The following PRDM11 variants were observed in gnomAD, a reference collection of about 807,000 sequenced individuals.
The protein encoded by PRDM11 is PR/SET domain 11, also known as PR domain-containing protein 11.
PRDM11 carries 20 observed loss-of-function variants against 97.8 expected under a neutral mutation model. That is an observed-to-expected ratio of 0.20 (90% CI 0.14 to 0.30). The LOEUF is 0.30. PRDM11 is among the 10% of genes least tolerant of loss of function. The probability of loss-of-function intolerance (pLI) is 1.00; values close to 1 mark genes in which losing one functional copy is unlikely to be tolerated. For missense variants in PRDM11, 1,139 were observed against 1,555.2 expected (o/e 0.73, Z 4.50); for synonymous variants, 599 against 637.7 (o/e 0.94, Z 0.91).
chr11:45,168,703 C>A (rs1410734506), intron 1 of PRDM11, among the ~76,000 whole-genome samples: 1 of 152,202 alleles, frequency 6.6e-6, no homozygotes. Context: ...CTCACTACAT[C>A]ATGGGGTTAA....
intron 1 of PRDM11, among the ~76,000 whole-genome samples, chr11:45,149,362 C>T (rs1851604735): frequency 6.6e-6 from 1 of 152,254 alleles, no homozygotes; most frequent in South Asian, 2.1e-4. Context: ...CTATCCTCTC[C>T]TAGATCTCTC....
At chr11:45,218,151 A>G (rs1854011480) in intron 5 of PRDM11, among the ~76,000 whole-genome samples, 1 of 152,190 alleles carries the variant, frequency 6.6e-6, no homozygotes, top group Admixed American at 6.5e-5. Context: ...CTTATCTAGT[A>G]TTAGACATTT....
At chr11:45,174,755 A>G (rs766130869) in intron 1 of PRDM11, among the ~76,000 whole-genome samples, 1 of 152,180 alleles carries the variant, frequency 6.6e-6, no homozygotes, top group Non-Finnish European at 1.5e-5. Context: ...TTAAGTGACT[A>G]TTTTTCAGAA....
chr11:45,104,760 G>A (rs1002063658), intron 1 of PRDM11, among the ~76,000 whole-genome samples: 1 of 152,174 alleles, frequency 6.6e-6, no homozygotes, highest in African/African-American at 2.4e-5. Flanking sequence ...ACTGGGTGGG[G>A]CACTTTAGAA....
At chr11:45,207,408 C>G (rs1853554721) in intron 5 of PRDM11, among the ~76,000 whole-genome samples, 1 of 151,966 alleles carries the variant, frequency 6.6e-6, no homozygotes, top group Non-Finnish European at 1.5e-5. Context: ...TGGTTCTCAA[C>G]CGAGCACTAT....
intron 1 of PRDM11, among the ~76,000 whole-genome samples, chr11:45,102,706 G>T (rs1386387056): frequency 6.6e-6 from 1 of 152,094 alleles, no homozygotes; most frequent in African/African-American, 2.4e-5. Flanking sequence ...ACACACCCTG[G>T]GCCCCCAGCC....
intron 1 of PRDM11, among the ~76,000 whole-genome samples, chr11:45,133,909 G>A (rs1852773711): frequency 6.6e-6 from 1 of 152,212 alleles, no homozygotes; most frequent in Non-Finnish European, 1.5e-5. Context: ...ACAGCCATCA[G>A]CACTGTTTGA....
At chr11:45,163,824 G>T (rs1348092473) in intron 1 of PRDM11, among the ~76,000 whole-genome samples, 1 of 152,192 alleles carries the variant, frequency 6.6e-6, no homozygotes, top group Admixed American at 6.5e-5. Context: ...TGAATACCTT[G>T]TCCATTGGGA....
upstream of PRDM11, among the ~76,000 whole-genome samples, chr11:45,145,217 G>A (rs1326283928): frequency 6.6e-6 from 1 of 152,182 alleles, no homozygotes; most frequent in Non-Finnish European, 1.5e-5. Flanking sequence ...GGAAATAAAG[G>A]CTCAGAGAGG....
chr11:45,198,528 A>G (rs1481049927), intron 4 of PRDM11, among the ~76,000 whole-genome samples: 3 of 152,240 alleles, frequency 2.0e-5, no homozygotes, highest in Non-Finnish European at 2.9e-5. Flanking sequence ...TATGGATTCA[A>G]TGAATTCCTG....
chr11:45,149,099 C>T (rs1489653994), intron 1 of PRDM11, among the ~76,000 whole-genome samples: 3 of 152,190 alleles, frequency 2.0e-5, no homozygotes, highest in African/African-American at 7.2e-5. Flanking sequence ...CTCTCCATCC[C>T]CTCTTCCCCA....
chr11:45,142,076 G>A (rs983529271), upstream of PRDM11, among the ~76,000 whole-genome samples: 1 of 152,228 alleles, frequency 6.6e-6, no homozygotes, highest in Non-Finnish European at 1.5e-5. Context: ...GATGGTTTAT[G>A]AGCATGCCTA....
At chr11:45,202,294 C>G (rs1853357894) in intron 4 of PRDM11, among the ~76,000 whole-genome samples, 1 of 152,098 alleles carries the variant, frequency 6.6e-6, no homozygotes, top group African/African-American at 2.4e-5. Flanking sequence ...CAGTCAGTTA[C>G]CAAATCGACA....
chr11:45,117,349 C>T (rs989041850), intron 1 of PRDM11, among the ~76,000 whole-genome samples: 4 of 151,758 alleles, frequency 2.6e-5, no homozygotes, highest in Non-Finnish European at 5.9e-5. Flanking sequence ...TAAGTCCATA[C>T]TGATATAAGT....
Position 45,182,359 on chromosome 11 carries a change from G to A in PRDM11, c.223+10G>A. ...CAAGTGGACTTCTGGTGTAAGTGGA[G>A]CTTGGGGCTCTGGGCTGCTCCTCCC... On this transcript the variant is annotated intron_variant, in intron 3 of 7. Transcript: ENST00000683152. The A allele has an allele frequency of 6.2e-7, 1 of 1,611,364 alleles. No homozygotes were observed. The highest frequency in any genetic ancestry group is 8.5e-7 in the Non-Finnish European group (1 of 1,177,936).
chr11:45,181,654 G>T, intron 1 of PRDM11, 107 bp from the exon 2 acceptor site: 1 of 838,724 alleles, frequency 1.2e-6, no homozygotes, highest in Admixed American at 2.1e-5. Flanking sequence ...ATGGCAGGGA[G>T]GGTAACCAGA....
chr11:45,163,791 C>A (rs538603049), intron 1 of PRDM11, among the ~76,000 whole-genome samples: 1 of 152,270 alleles, frequency 6.6e-6, no homozygotes, highest in East Asian at 1.9e-4. Context: ...CTTCCTCAGC[C>A]CCTATTTAAG....
rs191480283 is a variant in PRDM11 at position 45,110,442 on chromosome 11, G to T, written c.96+14541G>T. On this transcript the variant is annotated intron_variant, in intron 1 of 6. Coordinates refer to the PRDM11 transcript ENST00000530656. Reference sequence around the variant, plus strand: ...AATTTTTCTAAAGGGCCAGGTAGGAGTTTGAGGAATTTCTTCTAAGCCAGT... The same window carrying T: ...AATTTTTCTAAAGGGCCAGGTAGGATTTTGAGGAATTTCTTCTAAGCCAGT... Among the ~76,000 whole-genome samples the T allele has an allele frequency of 5.4e-3, 830 of 152,340 alleles. 6 individuals carry two copies. Among genetic ancestry groups the T allele is most frequent in the African/African-American group, 0.019 (783 of 41,582 alleles).
intron 1 of PRDM11, among the ~76,000 whole-genome samples, chr11:45,135,931 C>T (rs1196719710): frequency 6.6e-6 from 1 of 152,172 alleles, no homozygotes; most frequent in Non-Finnish European, 1.5e-5. Context: ...GAAACTGTCC[C>T]AGCCAAGAGG....
Sources: allele counts gnomAD v4.1 joint callset (sites outside exome capture counted in the v4.1 genomes callset), GRCh38; gene constraint gnomAD v4.1.1; transcripts MANE v1.5; gene names NCBI Gene and HGNC (gene_info 2026-07-23, HGNC 2026-07-21).